Variants in KLHL1 observed in about 807,000 individuals in gnomAD.
KLHL1 encodes the protein kelch-like protein 1.
A neutral mutation model predicts 77.7 loss-of-function variants in KLHL1; 47 were observed. The ratio of observed to expected loss-of-function variants is 0.60; its 90% CI spans 0.48 to 0.77. The LOEUF is 0.77. KLHL1 is among the 30% of genes least tolerant of loss of function. The pLI is 0.00. For synonymous variants in KLHL1, 360 were observed against 325.2 expected, an observed-to-expected ratio of 1.11 and a Z score of -1.15; for missense variants, 925 against 910.8, an observed-to-expected ratio of 1.02 and a Z score of -0.20.
intron 1 of KLHL1, among the ~76,000 whole-genome samples, chr13:70,045,527 T>G (rs1314526945): frequency 6.6e-6 from 1 of 151,836 alleles, no homozygotes; most frequent in Non-Finnish European, 1.5e-5. Context: ...GGAAAAGAAC[T>G]AATAAATACA....
At chr13:69,798,167 A>C (rs1877212847) in intron 6 of KLHL1, among the ~76,000 whole-genome samples, 2 of 152,174 alleles carry the variant, frequency 1.3e-5, no homozygotes, top group Non-Finnish European at 2.9e-5. Flanking sequence ...CACCTTCACC[A>C]ATGTTATACC....
rs1886419978 is a variant in KLHL1 at position 70,043,242 on chromosome 13, A to C, written c.497+63961T>G. On this transcript the variant is annotated intron_variant, in intron 1 of 10. Transcript: ENST00000377844. Reference sequence around the variant, plus strand: ...TTTAACAAACAAGTTTAAATACTAAAAAAAAATAAAAATAAAAATGAGAAA... The same window carrying C: ...TTTAACAAACAAGTTTAAATACTAACAAAAAATAAAAATAAAAATGAGAAA... Among the ~76,000 whole-genome samples, 3 of 152,142 alleles carry C rather than the reference A, an allele frequency of 2.0e-5. No homozygotes were observed. In the South Asian group the frequency reaches 6.2e-4, roughly 31 times the overall value.
At position 70,022,166 on chromosome 13, in the gene KLHL1, G is replaced by T. The variant is rs945372043; in HGVS notation, c.498-46364C>A. On this transcript the variant is annotated intron_variant, in intron 1 of 10. Transcript: ENST00000377844. ...TATCAATTTTGGGGGAGGGTATAAG[G>T]TTTGTTTATATACTTTTCTTTAGAT... 4.6e-5 allele frequency among the ~76,000 whole-genome samples: 7 copies of T among 151,758 alleles called. 1 individual carries two copies. In the South Asian group the frequency reaches 6.2e-4, roughly 13 times the overall value.
chr13:70,067,506 A>G (rs1324019661), intron 1 of KLHL1, among the ~76,000 whole-genome samples: 1 of 152,184 alleles, frequency 6.6e-6, no homozygotes, highest in East Asian at 1.9e-4. Context: ...AAGGGTAAGC[A>G]TGATACGCAG....
intron 6 of KLHL1, among the ~76,000 whole-genome samples, chr13:69,801,472 A>G (rs960667830): frequency 6.6e-6 from 1 of 152,188 alleles, no homozygotes; most frequent in African/African-American, 2.4e-5. Context: ...TGCTGCCATT[A>G]CAAACATGTC....
chr13:69,979,600 T>A (rs1323001091), intron 1 of KLHL1, among the ~76,000 whole-genome samples: 1 of 152,160 alleles, frequency 6.6e-6, no homozygotes, highest in African/African-American at 2.4e-5. Flanking sequence ...TACTTCATTG[T>A]TTTGTCCGAT....
rs534012676 is a variant in KLHL1, at chr13:69,829,684, T to G, written c.1414+9292A>C. On this transcript the variant is annotated intron_variant, in intron 6 of 10. Coordinates refer to ENST00000377844, the MANE Select transcript of KLHL1 (RefSeq NM_020866.3). ...AAGGTGAAAAACAAGGTAAAAAAAT[T>G]AAAGAGCTGTGAGGCAAAGCATCAG... 4.7e-5 allele frequency among the ~76,000 whole-genome samples: 7 copies of G among 149,594 alleles called. No homozygotes were observed. In the South Asian group the frequency reaches 1.5e-3, roughly 31 times the overall value.
intron 7 of KLHL1, among the ~76,000 whole-genome samples, chr13:69,793,911 C>T (rs989636674): frequency 2.0e-5 from 3 of 152,018 alleles, no homozygotes; most frequent in African/African-American, 7.2e-5. Flanking sequence ...TTTTTTACTA[C>T]CCCATATTGT....
At chr13:69,888,733 CT>C (rs1160481211) in intron 4 of KLHL1, among the ~76,000 whole-genome samples, 5 of 152,046 alleles carry the variant, frequency 3.3e-5, no homozygotes, top group Non-Finnish European at 7.4e-5. Context: ...AATGTAATGT[CT>C]TTTAAGCCAC....
intron 4 of KLHL1, among the ~76,000 whole-genome samples, chr13:69,906,529 T>C (rs1347185510): frequency 3.9e-5 from 6 of 152,008 alleles, no homozygotes; most frequent in African/African-American, 1.4e-4. Flanking sequence ...TTAATTCTGC[T>C]TGTTTGGTTT....
chr13:70,001,306 A>G (rs1029185150), intron 1 of KLHL1, among the ~76,000 whole-genome samples: 2 of 151,174 alleles, frequency 1.3e-5, no homozygotes, highest in African/African-American at 4.8e-5. Context: ...TTGACTTACG[A>G]ATTCTGCAAA....
intron 2 of KLHL1, among the ~76,000 whole-genome samples, chr13:69,967,969 C>T (rs980325916): frequency 1.3e-5 from 2 of 151,790 alleles, no homozygotes; most frequent in African/African-American, 4.8e-5. Flanking sequence ...AAAATTGATT[C>T]CAATTTTGAA....
intron 5 of KLHL1, among the ~76,000 whole-genome samples, chr13:69,852,921 A>C (rs890625168): frequency 5.9e-5 from 9 of 151,992 alleles, no homozygotes; most frequent in African/African-American, 2.2e-4. Context: ...AGAATTTAGA[A>C]TGTGTCAAAC....
intron 1 of KLHL1, among the ~76,000 whole-genome samples, chr13:70,082,509 C>G (rs1231179087): frequency 6.6e-6 from 1 of 152,050 alleles, no homozygotes; most frequent in African/African-American, 2.4e-5. Flanking sequence ...TCATAATTTT[C>G]ATATTTCAGC....
chr13:70,028,618 T>C (rs557302082), intron 1 of KLHL1, among the ~76,000 whole-genome samples: 2 of 152,234 alleles, frequency 1.3e-5, no homozygotes, highest in Non-Finnish European at 2.9e-5. Flanking sequence ...CAATGTTGTC[T>C]CAGAGAAATC....
rs149704947 is a variant in KLHL1 at position 69,790,732 on chromosome 13, T to C, written c.1639+6006A>G. On this transcript the variant is annotated intron_variant, in intron 7 of 10. Transcript: ENST00000377844. The stretch of plus-strand genomic sequence containing the variant: ...TTTCAATAGATACAGGAAAATCCAA[T>C]ACCCTTTTCATGATAAAAACATTCA... Among the ~76,000 whole-genome samples the C allele has an allele frequency of 9.5e-3, 1,441 of 152,138 alleles. 21 individuals are homozygous for C. Among genetic ancestry groups the C allele is most frequent in the African/African-American group, 0.032 (1,329 of 41,516 alleles).
At chr13:70,062,982 G>T (rs1288173870) in intron 1 of KLHL1, among the ~76,000 whole-genome samples, 1 of 152,004 alleles carries the variant, frequency 6.6e-6, no homozygotes, top group South Asian at 2.1e-4. Context: ...CTCATCTAAA[G>T]TTCCTTTTTC....
intron 3 of KLHL1, among the ~76,000 whole-genome samples, chr13:69,958,706 T>C (rs1480493649): frequency 1.3e-5 from 2 of 151,496 alleles, no homozygotes; most frequent in Non-Finnish European, 2.9e-5. Context: ...TGATCCTCCT[T>C]AGTTTCACCA....
At chr13:70,024,826 C>A (rs1254293950) in intron 1 of KLHL1, among the ~76,000 whole-genome samples, 1 of 151,752 alleles carries the variant, frequency 6.6e-6, no homozygotes, top group Non-Finnish European at 1.5e-5. Context: ...AATTTGATTC[C>A]CTTAAAGATA....
Sources: gnomAD v4.1 joint callset for allele counts (sites outside exome capture counted in the v4.1 genomes callset) on GRCh38, gnomAD v4.1.1 for gene constraint, MANE v1.5 for transcripts, NCBI Gene and HGNC (gene_info 2026-07-23, HGNC 2026-07-21) for gene names.